NAALADL2: variants seen among roughly 807,000 people sequenced by gnomAD.
NAALADL2 encodes inactive N-acetylated-alpha-linked acidic dipeptidase-like protein 2.
In NAALADL2, 76 loss-of-function variants were observed where a neutral mutation model predicts 87.2. The ratio of observed to expected loss-of-function variants is 0.87; its 90% CI spans 0.72 to 1.05. The LOEUF (loss-of-function observed/expected upper bound fraction) is 1.05, where lower values mean the gene tolerates loss of function less well. Among genes scored for constraint, NAALADL2 ranks in the 50% least tolerant of loss-of-function variants. NAALADL2 has a pLI of 0.00. For synonymous variants in NAALADL2, 354 were observed against 331.0 expected, an observed-to-expected ratio of 1.07 and a Z score of -0.75; for missense variants, 1,089 against 945.8, an observed-to-expected ratio of 1.15 and a Z score of -1.99.
intron 2 of NAALADL2, among the ~76,000 whole-genome samples, chr3:175,204,423 G>T (rs1448957762): frequency 6.6e-6 from 1 of 151,956 alleles, no homozygotes; most frequent in Non-Finnish European, 1.5e-5. Context: ...TGCAAAATCG[G>T]CATGCAGGGG....
intron 13 of NAALADL2, among the ~76,000 whole-genome samples, chr3:175,781,473 T>C (rs1232339922): frequency 1.3e-5 from 2 of 152,102 alleles, no homozygotes; most frequent in African/African-American, 4.8e-5. Context: ...ATAGCAATTA[T>C]AACTAAGTAC....
chr3:174,977,969 AG>A (rs1744583602), intron 1 of NAALADL2, among the ~76,000 whole-genome samples: 1 of 152,238 alleles, frequency 6.6e-6, no homozygotes, highest in African/African-American at 2.4e-5. Context: ...AAAAATATTG[AG>A]GTTCAAAGAA....
At chr3:175,330,310 T>C (rs1418005414) in intron 5 of NAALADL2, among the ~76,000 whole-genome samples, 1 of 152,138 alleles carries the variant, frequency 6.6e-6, no homozygotes, top group Non-Finnish European at 1.5e-5. Context: ...GGCTACATTT[T>C]GCAGATGCCT....
chr3:175,384,875 G>T (rs1451995516), intron 5 of NAALADL2, among the ~76,000 whole-genome samples: 2 of 151,242 alleles, frequency 1.3e-5, no homozygotes, highest in Non-Finnish European at 2.9e-5. Context: ...CAGAAATTAA[G>T]AATAAGTATG....
At chr3:175,796,821 C>A (rs1753552142) in intron 13 of NAALADL2, among the ~76,000 whole-genome samples, 1 of 152,066 alleles carries the variant, frequency 6.6e-6, no homozygotes, top group Non-Finnish European at 1.5e-5. Flanking sequence ...GCATCCTGTG[C>A]CCATTTATGA....
At chr3:175,294,325 T>C (rs1275087909) in intron 4 of NAALADL2, among the ~76,000 whole-genome samples, 1 of 152,068 alleles carries the variant, frequency 6.6e-6, no homozygotes, top group African/African-American at 2.4e-5. Flanking sequence ...TGGTGTATGA[T>C]ACTTACTTAC....
At chr3:175,781,120 C>A (rs541433574) in intron 13 of NAALADL2, among the ~76,000 whole-genome samples, 1 of 151,972 alleles carries the variant, frequency 6.6e-6, no homozygotes. Flanking sequence ...AAAATGAAAC[C>A]GTAAATAAAG....
chr3:175,722,202 T>C (rs1019900858), intron 11 of NAALADL2, among the ~76,000 whole-genome samples: 1 of 152,150 alleles, frequency 6.6e-6, no homozygotes, highest in Non-Finnish European at 1.5e-5. Context: ...ATTGAGGTGA[T>C]AAAATCAGAC....
chr3:175,074,936 T>C (rs1003572407), intron 1 of NAALADL2, among the ~76,000 whole-genome samples: 1 of 147,678 alleles, frequency 6.8e-6, no homozygotes, highest in African/African-American at 2.6e-5. Context: ...GGAGGAAGAG[T>C]AGAAAAGTGG....
intron 2 of NAALADL2, among the ~76,000 whole-genome samples, chr3:174,568,876 A>G (rs942593230): frequency 1.3e-5 from 2 of 151,340 alleles, no homozygotes; most frequent in African/African-American, 4.8e-5. Context: ...AGAATTTTAG[A>G]ATATTTTCGA....
At chr3:175,350,524 G>A (rs1007387194) in intron 5 of NAALADL2, among the ~76,000 whole-genome samples, 2 of 152,158 alleles carry the variant, frequency 1.3e-5, no homozygotes, top group Non-Finnish European at 2.9e-5. Context: ...TTCCAGAAGG[G>A]TAGGGGTGGG....
At chr3:174,882,805 ATATGTG>A (rs1427274447) in intron 1 of NAALADL2, among the ~76,000 whole-genome samples, 7 of 103,940 alleles carry the variant, frequency 6.7e-5, no homozygotes, top group African/African-American at 3.7e-4. Context: ...ACACGTGTGT[ATATGTG>A]CATATGTGTA....
intron 2 of NAALADL2, among the ~76,000 whole-genome samples, chr3:174,613,656 T>C (rs2108647511): frequency 6.6e-6 from 1 of 152,284 alleles, no homozygotes; most frequent in Non-Finnish European, 1.5e-5. Context: ...AGTGCTACCT[T>C]GCCTGAGACT....
At chr3:174,893,952 A>G (rs567353767) in intron 1 of NAALADL2, among the ~76,000 whole-genome samples, 4 of 152,298 alleles carry the variant, frequency 2.6e-5, no homozygotes, top group Non-Finnish European at 4.4e-5. Flanking sequence ...AACAAGACCC[A>G]TTGATTGGTT....
chr3:174,478,088 C>T (rs934541932), intron 1 of NAALADL2, among the ~76,000 whole-genome samples: 10 of 152,010 alleles, frequency 6.6e-5, no homozygotes, highest in East Asian at 1.9e-4. Context: ...TTCCATTTTA[C>T]GTGTGATCCA....
intron 2 of NAALADL2, among the ~76,000 whole-genome samples, chr3:174,608,763 A>G (rs1719423336): frequency 6.8e-6 from 1 of 147,740 alleles, no homozygotes; most frequent in Non-Finnish European, 1.5e-5. Flanking sequence ...ATTCCTTCTG[A>G]AACTATTCCA....
At chr3:174,987,587 A>AT (rs1560446024) in intron 1 of NAALADL2, among the ~76,000 whole-genome samples, 1,574 of 141,952 alleles carry the variant, frequency 0.011, 113 homozygotes, top group African/African-American at 0.041. Context: ...AAAAAAAAAA[A>AT]AAAAAAAAAA....
At chr3:175,616,937 A>T (rs1582641360) in intron 10 of NAALADL2, among the ~76,000 whole-genome samples, 1 of 152,094 alleles carries the variant, frequency 6.6e-6, no homozygotes, top group Non-Finnish European at 1.5e-5. Context: ...CGGTTCAGCG[A>T]ATTTTCCCTT....
At chr3:174,717,534 A>G (rs1042263032) in intron 2 of NAALADL2, among the ~76,000 whole-genome samples, 8 of 152,206 alleles carry the variant, frequency 5.3e-5, no homozygotes, top group African/African-American at 1.7e-4. Context: ...TCAGTTTAGT[A>G]GGCCAAATGT....
Sources: allele counts gnomAD v4.1 joint callset (sites outside exome capture counted in the v4.1 genomes callset), GRCh38; gene constraint gnomAD v4.1.1; transcripts MANE v1.5; gene names NCBI Gene and HGNC (gene_info 2026-07-23, HGNC 2026-07-21).